Variants in CAMTA1 observed in about 807,000 individuals in gnomAD.
The protein encoded by CAMTA1 is calmodulin binding transcription activator 1, also known as calmodulin-binding transcription activator 1.
In CAMTA1, 27 loss-of-function variants were observed where a neutral mutation model predicts 170.9. The ratio of observed to expected loss-of-function variants is 0.16; its 90% CI spans 0.12 to 0.22. CAMTA1 has a LOEUF of 0.22. Among genes scored for constraint, CAMTA1 ranks in the 10% least tolerant of loss-of-function variants. CAMTA1 has a pLI of 1.00. For synonymous variants in CAMTA1, 833 were observed against 891.5 expected, an observed-to-expected ratio of 0.93 and a Z score of 1.17; for missense variants, 1,619 against 2,217.2, an observed-to-expected ratio of 0.73 and a Z score of 5.42.
chr1:7,510,367 A>G (rs1463582945), intron 6 of CAMTA1, among the ~76,000 whole-genome samples: 6 of 145,488 alleles, frequency 4.1e-5, no homozygotes, highest in African/African-American at 2.5e-5. Flanking sequence ...TGGAGGGTCC[A>G]TCCCACCTCT....
At position 7,426,469 on chromosome 1, in the gene CAMTA1, A is replaced by G. The variant is rs549777925; in HGVS notation, c.439-41361A>G. Among the ~76,000 whole-genome samples the G allele has an allele frequency of 9.9e-5, 15 of 152,204 alleles. No individual in the cohort carries two copies. The highest frequency in any genetic ancestry group is 2.1e-4 in the Non-Finnish European group (14 of 68,038). On this transcript the variant is annotated intron_variant, in intron 5 of 22. Coordinates refer to ENST00000303635, the MANE Select transcript of CAMTA1 (RefSeq NM_015215.4). This position sits in a 1 kb window ranked among gnomAD's most constrained non-coding sequence, Gnocchi z 4.8. ...TTATCTATTAATACTAAATAACTGC[A>G]TCGATTCGATTGATACTACTTGTTA... is the stretch of plus-strand genomic sequence containing the variant.
chr1:7,429,878 G>A (rs867235990), intron 5 of CAMTA1, among the ~76,000 whole-genome samples: 1 of 152,030 alleles, frequency 6.6e-6, no homozygotes, highest in African/African-American at 2.4e-5. Context: ...TGGAGCAGGA[G>A]GAAAAGAGAG....
rs542744225 is a variant in CAMTA1 at position 7,544,863 on chromosome 1, G to A, written c.510+76962G>A. Among the ~76,000 whole-genome samples the A allele has an allele frequency of 1.2e-4, 19 of 152,116 alleles. No individual in the cohort carries two copies. The South Asian group carries it at 1.7e-3, about 13-fold the overall frequency. On this transcript the variant is annotated intron_variant, in intron 6 of 22. Coordinates refer to ENST00000303635, the MANE Select transcript of CAMTA1 (RefSeq NM_015215.4). The stretch of plus-strand genomic sequence containing the variant: ...AAGAAGCCAGACTCTTTAACAACTC[G>A]CTTTCTCCGGAGCTATTTCATTCCC...
At position 7,443,981 on chromosome 1, in the gene CAMTA1, C is replaced by A. The variant is rs2092617089; in HGVS notation, c.439-23849C>A. On this transcript the variant is annotated intron_variant, in intron 5 of 22. Transcript: ENST00000303635. This position sits in a 1 kb window ranked among gnomAD's most constrained non-coding sequence, Gnocchi z 4.1. ...GTGATCCGTCGGTGAGCCATCGAGC[C>A]CCTCCTTCAGGCCCCCAGAGGAAGC... Among the ~76,000 whole-genome samples, 1 of 151,674 alleles carries A rather than the reference C, an allele frequency of 6.6e-6. No individual in the cohort carries two copies. Among genetic ancestry groups the A allele is most frequent in the Non-Finnish European group, 1.5e-5 (1 of 67,788 alleles).
intron 11 of CAMTA1, among the ~76,000 whole-genome samples, chr1:7,718,294 G>C (rs189163934): frequency 6.6e-6 from 1 of 152,074 alleles, no homozygotes; most frequent in East Asian, 1.9e-4. Flanking sequence ...CGTTCTGGCC[G>C]GATTCTCCAT....
chr1:7,284,195 A>C (rs868113379), intron 5 of CAMTA1, among the ~76,000 whole-genome samples: 2,653 of 134,594 alleles, frequency 0.02, 38 homozygotes, highest in East Asian at 0.049. Context: ...TATTATTATT[A>C]TTATTATTAT....
Position 7,752,786 on chromosome 1 carries a change from G to T in CAMTA1, c.4958+253G>T, listed in dbSNP as rs80283167. On this transcript the variant is annotated intron_variant, in intron 21 of 22. Coordinates refer to ENST00000303635, the MANE Select transcript of CAMTA1 (RefSeq NM_015215.4). The stretch of plus-strand genomic sequence containing the variant: ...GCCCGTGTTTTTCTGTTTTAATTTG[G>T]GTGTGAGGTCAACTTAGTCGGACTA... Among the ~76,000 whole-genome samples the T allele has an allele frequency of 2.1e-4, 32 of 152,222 alleles. No homozygotes were observed. In the East Asian group the frequency reaches 6.2e-3, roughly 29 times the overall value.
intron 1 of CAMTA1, chr1:6,807,050 T>C: frequency 1.5e-6 from 1 of 667,676 alleles, no homozygotes; most frequent in Non-Finnish European, 2.8e-6. Context: ...TTAATCAAGA[T>C]GCCATATGAA....
chr1:7,705,493 G>A (rs1319279829), intron 11 of CAMTA1, among the ~76,000 whole-genome samples: 1 of 150,788 alleles, frequency 6.6e-6, no homozygotes, highest in Non-Finnish European at 1.5e-5. Flanking sequence ...CGGAGCGAGG[G>A]CGGGGACGAG....
At chr1:6,881,176 T>A (rs1422194395) in intron 3 of CAMTA1, among the ~76,000 whole-genome samples, 2 of 152,138 alleles carry the variant, frequency 1.3e-5, no homozygotes, top group Non-Finnish European at 2.9e-5. Context: ...ATCACTGTGG[T>A]ATTTTGTTTC....
chr1:7,053,883 C>T (rs1297137743), intron 3 of CAMTA1, among the ~76,000 whole-genome samples: 1 of 152,228 alleles, frequency 6.6e-6, no homozygotes, highest in Non-Finnish European at 1.5e-5. Context: ...TGGAGTCTTC[C>T]TGGTGGGAGA....
chr1:7,507,171 G>T (rs886717636), intron 6 of CAMTA1, among the ~76,000 whole-genome samples: 2 of 151,086 alleles, frequency 1.3e-5, no homozygotes, highest in Admixed American at 1.3e-4. Flanking sequence ...CAACACACAC[G>T]CTCACACTCA....
intron 7 of CAMTA1, among the ~76,000 whole-genome samples, chr1:7,654,816 CCA>C (rs1365735053): frequency 1.6e-5 from 2 of 127,536 alleles, no homozygotes; most frequent in Non-Finnish European, 3.2e-5. Context: ...CCCACACACA[CCA>C]CACACACCCC....
chr1:7,564,316 C>T (rs1016386080), intron 6 of CAMTA1, among the ~76,000 whole-genome samples: 3 of 152,208 alleles, frequency 2.0e-5, no homozygotes, highest in South Asian at 2.1e-4. Context: ...TTCCCGGAGA[C>T]GGCGTGCTGT....
chr1:7,306,941 G>C (rs1044951677), intron 5 of CAMTA1, among the ~76,000 whole-genome samples: 3 of 151,858 alleles, frequency 2.0e-5, no homozygotes, highest in Admixed American at 1.3e-4. Context: ...AAGCAATCTA[G>C]AGATGATTTA....
chr1:7,597,937 CT>C (rs557066791), intron 6 of CAMTA1, among the ~76,000 whole-genome samples: 25,245 of 145,406 alleles, frequency 0.17, 2,283 homozygotes, highest in Middle Eastern at 0.28. Flanking sequence ...CCGTCATCTA[CT>C]TTTTTTTTTT....
At chr1:7,094,640 C>T (rs1353453906) in intron 4 of CAMTA1, among the ~76,000 whole-genome samples, 1 of 152,002 alleles carries the variant, frequency 6.6e-6, no homozygotes, top group East Asian at 1.9e-4. Flanking sequence ...AGATACTGCC[C>T]TAATTACAGA....
intron 3 of CAMTA1, among the ~76,000 whole-genome samples, chr1:6,974,303 C>T: frequency 6.6e-6 from 1 of 152,200 alleles, no homozygotes; most frequent in East Asian, 1.9e-4. Context: ...AATATCCCTT[C>T]AGTTTCTTGG....
At chr1:6,874,843 G>A (rs554231220) in intron 3 of CAMTA1, among the ~76,000 whole-genome samples, 11 of 152,192 alleles carry the variant, frequency 7.2e-5, no homozygotes, top group Admixed American at 6.5e-5. Flanking sequence ...TTTTACGCTT[G>A]GTAAGGTGTC....
Sources: gnomAD v4.1 joint callset for allele counts (sites outside exome capture counted in the v4.1 genomes callset) on GRCh38, gnomAD v4.1.1 for gene constraint, Gnocchi (gnomAD v3.1) non-coding constraint, MANE v1.5 for transcripts, NCBI Gene and HGNC (gene_info 2026-07-23, HGNC 2026-07-21) for gene names.